The following HES2 variants were observed in gnomAD, a reference collection of about 807,000 sequenced individuals.
The protein encoded by HES2 is hes family bHLH transcription factor 2.
HES2 carries 11 observed loss-of-function variants against 11.9 expected under a neutral mutation model. The ratio of observed to expected loss-of-function variants is 0.92; its 90% confidence interval spans 0.58 to 1.53. The LOEUF is 1.53. Ranked by LOEUF, HES2 falls within the 40% of genes most tolerant of loss-of-function variation. HES2 has a pLI of 0.00. For synonymous variants in HES2, 125 were observed against 122.8 expected, an observed-to-expected ratio of 1.02 and a Z score of -0.12; for missense variants, 260 against 253.8, an observed-to-expected ratio of 1.02 and a Z score of -0.16.
Position 6,419,241 on chromosome 1 carries a change from G to C in HES2, c.241C>G (p.Leu81Val), listed in dbSNP as rs572058382. 3.1e-6 allele frequency: 5 copies of C among 1,608,114 alleles called. No homozygotes were observed. Among genetic ancestry groups the C allele is most frequent in the East Asian group, 4.5e-5 (2 of 44,742 alleles). The change falls in exon 3 of 4, where the codon CTG becomes GTG. Residue 81 changes from leucine (L) to valine (V), a missense_variant and splice_region_variant. Leu to Val is a conservative substitution (Grantham distance 32). Coordinates refer to ENST00000377834, the MANE Select transcript of HES2 (RefSeq NM_019089.5). The surrounding 1 kb of genome is among the most constrained non-coding windows in gnomAD (Gnocchi z 8.1). The stretch of plus-strand genomic sequence containing the variant: ...GGCAGGGCAGGGAGGGCTCACTCAC[G>C]GGGCGCTGCCGTGGGCCATGAGGAC... ...PASSWPTAAP[L>V]PCDSYREGYS...
In HES2 at chr1:6,416,893, T is replaced by C. The variant is rs1247628540; in HGVS notation, c.*1980A>G. The C allele has an allele frequency of 6.6e-6, 1 of 152,278 alleles. No homozygotes were observed. Among genetic ancestry groups the C allele is most frequent in the African/African-American group, 2.4e-5 (1 of 41,460 alleles). The allele number at this position is 152,278 out of a possible 1,614,324, so 9.4% of individuals were successfully genotyped here. On this transcript the variant is annotated 3_prime_UTR_variant, in exon 4 of 4. Coordinates refer to ENST00000377834, the MANE Select transcript of HES2 (RefSeq NM_019089.5). ...GCAATGGGTGAAAGTAAGAGGAACC[T>C]GCCCTCCCTCCTCTCCACACCTCCC...
chr1:6,418,371 G>C lies in HES2; in HGVS notation c.*502C>G, dbSNP rs1642873000. 6.5e-6 allele frequency: 1 copy of C among 154,958 alleles called. No homozygotes were observed. The highest frequency in any genetic ancestry group is 2.4e-5 in the African/African-American group (1 of 41,576). The allele number at this position is 154,958 out of a possible 1,614,324, so 9.6% of individuals were successfully genotyped here. ...TGCTGCCCTGTAGAGCCCTGGAAGTGACCAGAGCCCTTAGGCTACTGCTGC... is the reference window on the plus strand; with the variant it reads ...TGCTGCCCTGTAGAGCCCTGGAAGTCACCAGAGCCCTTAGGCTACTGCTGC... On this transcript the variant is annotated 3_prime_UTR_variant, in exon 4 of 4. Transcript: ENST00000377834.
rs1642852213 is a variant in HES2 at position 6,416,495 on chromosome 1, T to A, written c.*2378A>T. 6.6e-6 allele frequency: 1 copy of A among 152,220 alleles called. No individual in the cohort carries two copies. Among genetic ancestry groups the A allele is most frequent in the Non-Finnish European group, 1.5e-5 (1 of 68,112 alleles). 9.4% of individuals were successfully genotyped at this position (152,220 alleles called of 1,614,324 possible). On this transcript the variant is annotated 3_prime_UTR_variant, in exon 4 of 4. Coordinates refer to ENST00000377834, the MANE Select transcript of HES2 (RefSeq NM_019089.5). Reference sequence around the variant, plus strand: ...ACCTTACCCACCCAGGCTTGCCCCCTCCCTTCCAGGGCCCACTGACCTCCT... The same window carrying A: ...ACCTTACCCACCCAGGCTTGCCCCCACCCTTCCAGGGCCCACTGACCTCCT...
chr1:6,419,900 C>A lies in HES2; in HGVS notation c.-80G>T. On this transcript the variant is annotated 5_prime_UTR_variant, in exon 1 of 4. Transcript: ENST00000377834. This position sits in a 1 kb window ranked among gnomAD's most constrained non-coding sequence, Gnocchi z 8.1. Reference sequence around the variant, plus strand: ...CCGAAATGAGGTCCCGGGCGCGGCCCGGGCTGGTGCCAGACGAGTGCGCGC... The same window carrying A: ...CCGAAATGAGGTCCCGGGCGCGGCCAGGGCTGGTGCCAGACGAGTGCGCGC... 1.4e-6 allele frequency: 2 copies of A among 1,432,858 alleles called. No homozygotes were observed. The highest frequency in any genetic ancestry group is 1.8e-6 in the Non-Finnish European group (2 of 1,093,652). 88.8% of individuals were successfully genotyped at this position (1,432,858 alleles called of 1,614,324 possible).
chr1:6,419,438 G>A lies in HES2; in HGVS notation c.142-98C>T, dbSNP rs757820350. ...TCGCTCTAGTCGGGAGCTGGGTGTG[G>A]GGCGCGCCGTGGCCTGCTGGGGGTC... is the stretch of plus-strand genomic sequence containing the variant. On this transcript the variant is annotated intron_variant, in intron 2 of 3. Transcript: ENST00000377834. This position sits in a 1 kb window ranked among gnomAD's most constrained non-coding sequence, Gnocchi z 8.1. The A allele has an allele frequency of 4.2e-5, 52 of 1,245,600 alleles. No homozygotes were observed. The highest frequency in any genetic ancestry group is 5.5e-5 in the Non-Finnish European group (49 of 897,500). 77.2% of individuals were successfully genotyped at this position (1,245,600 alleles called of 1,614,324 possible).
chr1:6,418,376 G>A lies in HES2; in HGVS notation c.*497C>T, dbSNP rs1428801296. 6.4e-6 allele frequency: 1 copy of A among 155,214 alleles called. No individual in the cohort carries two copies. Among genetic ancestry groups the A allele is most frequent in the African/African-American group, 2.4e-5 (1 of 41,592 alleles). The allele number at this position is 155,214 out of a possible 1,614,324, so 9.6% of individuals were successfully genotyped here. ...CCCTGTAGAGCCCTGGAAGTGACCA[G>A]AGCCCTTAGGCTACTGCTGCTGCAT... On this transcript the variant is annotated 3_prime_UTR_variant, in exon 4 of 4. Transcript: ENST00000377834.
In HES2 at chr1:6,415,267, T is replaced by C. The variant is rs1642833228; in HGVS notation, c.*3606A>G. 7.0e-6 allele frequency: 1 copy of C among 143,648 alleles called. No homozygotes were observed. Among genetic ancestry groups the C allele is most frequent in the Non-Finnish European group, 1.5e-5 (1 of 67,420 alleles). The allele number at this position is 143,648 out of a possible 1,614,324, so 8.9% of individuals were successfully genotyped here. On this transcript the variant is annotated 3_prime_UTR_variant, in exon 4 of 4. Transcript: ENST00000377834. ...GTTCACTTTATTGCACGTCAAGATA[T>C]TGCCTTTTTTTTTTTTTAAACAAAT... is the stretch of plus-strand genomic sequence containing the variant.
In HES2 at chr1:6,418,946, G is replaced by C. The variant is rs1642878573; in HGVS notation, c.449C>G (p.Pro150Arg). 7.5e-7 allele frequency: 1 copy of C among 1,336,710 alleles called. No individual in the cohort carries two copies. The highest frequency in any genetic ancestry group is 9.5e-7 in the Non-Finnish European group (1 of 1,053,108). 82.8% of individuals were successfully genotyped at this position (1,336,710 alleles called of 1,614,324 possible). Residue 150 changes from proline to arginine, a missense_variant, in exon 4 of 4, where the codon CCA (proline) becomes CGA (arginine). Physicochemically the swap from Pro to Arg is moderately radical, Grantham distance 103 (BLOSUM62 -2). Transcript: ENST00000377834. Reference sequence around the variant, plus strand: ...GGGCACCGGAGCGGATGCGGGCTCTGGGGCAGACGCGGGCGCTGGGGCGGG... The same window carrying C: ...GGGCACCGGAGCGGATGCGGGCTCTCGGGCAGACGCGGGCGCTGGGGCGGG... ...SAPAPAPASA[P>R]EPASAPVPSP...
chr1:6,419,405 G>T lies in HES2; in HGVS notation c.142-65C>A. 1.4e-6 allele frequency: 2 copies of T among 1,401,400 alleles called. No homozygotes were observed. The highest frequency in any genetic ancestry group is 2.5e-5 in the East Asian group (1 of 40,590). 86.8% of individuals were successfully genotyped at this position (1,401,400 alleles called of 1,614,324 possible). A position where few individuals can be genotyped will look rare whatever the true frequency, so the allele number is the denominator to read the frequency against. On this transcript the variant is annotated intron_variant, in intron 2 of 3. Transcript: ENST00000377834. The surrounding 1 kb of genome is among the most constrained non-coding windows in gnomAD (Gnocchi z 8.1). ...AGACAGAACTTTGGCCGGCTACCGTGCGCACCCTCGCTCTAGTCGGGAGCT... is the reference window on the plus strand; with the variant it reads ...AGACAGAACTTTGGCCGGCTACCGTTCGCACCCTCGCTCTAGTCGGGAGCT...
In HES2 at chr1:6,418,776, C is replaced by G. The variant is rs1642877032; in HGVS notation, c.*97G>C. On this transcript the variant is annotated 3_prime_UTR_variant, in exon 4 of 4. Transcript: ENST00000377834. ...CCTGGGTGTGGGTACTGGGCTGGCC[C>G]CTAATGATGGGAACAGCAGCCGCCA... 8.4e-7 allele frequency: 1 copy of G among 1,190,446 alleles called. No homozygotes were observed. The highest frequency in any genetic ancestry group is 1.1e-6 in the Non-Finnish European group (1 of 944,982). 73.7% of individuals were successfully genotyped at this position (1,190,446 alleles called of 1,614,324 possible).
Position 6,419,426 on chromosome 1 carries a change from G to A in HES2, c.142-86C>T. On this transcript the variant is annotated intron_variant, in intron 2 of 3. Coordinates refer to ENST00000377834, the MANE Select transcript of HES2 (RefSeq NM_019089.5). This position sits in a 1 kb window ranked among gnomAD's most constrained non-coding sequence, Gnocchi z 8.1. ...CCGTGCGCACCCTCGCTCTAGTCGG[G>A]AGCTGGGTGTGGGGCGCGCCGTGGC... 1 of 1,297,612 alleles carries A rather than the reference G, an allele frequency of 7.7e-7. No homozygotes were observed. The allele number at this position is 1,297,612 out of a possible 1,614,324, so 80.4% of individuals were successfully genotyped here. A position where few individuals can be genotyped will look rare whatever the true frequency, so the allele number is the denominator to read the frequency against.
At position 6,419,142 on chromosome 1, in the gene HES2, T is replaced by G. The variant is rs774847354; in HGVS notation, c.253A>C (p.Ser85Arg). The G allele has an allele frequency of 6.5e-7, 1 of 1,531,246 alleles. No homozygotes were observed. The highest frequency in any genetic ancestry group is 8.7e-7 in the Non-Finnish European group (1 of 1,146,766). 94.9% of individuals were successfully genotyped at this position (1,531,246 alleles called of 1,614,324 possible). A position where few individuals can be genotyped will look rare whatever the true frequency, so the allele number is the denominator to read the frequency against. The change falls in exon 4 of 4, where the codon AGC becomes CGC. Residue 85 changes from serine to arginine, a missense_variant. Coordinates refer to ENST00000377834, the MANE Select transcript of HES2 (RefSeq NM_019089.5). The surrounding 1 kb of genome is among the most constrained non-coding windows in gnomAD (Gnocchi z 8.1). ...CAGGCGCTGTAGCCCTCGCGGTAGC[T>G]GTCGCAAGGCACTGCGGGCGGAGAG... ...WPTAAPLPCD[S>R]YREGYSACVA...
chr1:6,416,226 T>C lies in HES2; in HGVS notation c.*2647A>G, dbSNP rs113269467. The C allele has an allele frequency of 0.073, 11,185 of 152,324 alleles. 498 individuals carry two copies. Among genetic ancestry groups the C allele is most frequent in the African/African-American group, 0.12 (4,850 of 41,562 alleles). The allele number at this position is 152,324 out of a possible 1,614,324, so 9.4% of individuals were successfully genotyped here. On this transcript the variant is annotated 3_prime_UTR_variant, in exon 4 of 4. Coordinates refer to ENST00000377834, the MANE Select transcript of HES2 (RefSeq NM_019089.5). Reference sequence around the variant, plus strand: ...AGGATGTGGGACTTGTGAAAGGTCATAAATGACCCTTTGAATCAGTCTCCC... The same window carrying C: ...AGGATGTGGGACTTGTGAAAGGTCACAAATGACCCTTTGAATCAGTCTCCC...
Position 6,419,711 on chromosome 1 carries a change from G to T in HES2, c.46-9C>A. 6.4e-7 allele frequency: 1 copy of T among 1,551,704 alleles called. No individual in the cohort carries two copies. Among genetic ancestry groups the T allele is most frequent in the Non-Finnish European group, 8.7e-7 (1 of 1,151,386 alleles). Reference sequence around the variant, plus strand: ...AGCAGCGGCTTCAGGCTCTGCGGACGGGCGGCGCGGTGGTTAGACGGGTCC... The same window carrying T: ...AGCAGCGGCTTCAGGCTCTGCGGACTGGCGGCGCGGTGGTTAGACGGGTCC... On this transcript the variant is annotated splice_polypyrimidine_tract_variant and intron_variant, in intron 1 of 3. Coordinates refer to ENST00000377834, the MANE Select transcript of HES2 (RefSeq NM_019089.5). The surrounding 1 kb of genome is among the most constrained non-coding windows in gnomAD (Gnocchi z 8.1).
In HES2 at chr1:6,419,840, G is replaced by A; in HGVS notation, c.-20C>T. On this transcript the variant is annotated 5_prime_UTR_variant, in exon 1 of 4. Transcript: ENST00000377834. The surrounding 1 kb of genome is among the most constrained non-coding windows in gnomAD (Gnocchi z 8.1). Reference sequence around the variant, plus strand: ...CCCCATGCTCCGCGGGGAAGCGGTGGCAGCTGCGAGCCCCACGCAAAGGGA... The same window carrying A: ...CCCCATGCTCCGCGGGGAAGCGGTGACAGCTGCGAGCCCCACGCAAAGGGA... 6.5e-7 allele frequency: 1 copy of A among 1,536,544 alleles called. No homozygotes were observed. Among genetic ancestry groups the A allele is most frequent in the Non-Finnish European group, 8.7e-7 (1 of 1,146,930 alleles).
rs1282939285 is a variant in HES2 at position 6,418,826 on chromosome 1, C to T, written c.*47G>A. On this transcript the variant is annotated 3_prime_UTR_variant, in exon 4 of 4. Coordinates refer to ENST00000377834, the MANE Select transcript of HES2 (RefSeq NM_019089.5). ...ACCAAGAGCTTCAACCTGTCCAGTGCCCCAAGGTCCCAAGCAGTCGGCAGG... is the reference window on the plus strand; with the variant it reads ...ACCAAGAGCTTCAACCTGTCCAGTGTCCCAAGGTCCCAAGCAGTCGGCAGG... 5 of 1,287,216 alleles carry T rather than the reference C, an allele frequency of 3.9e-6. No individual in the cohort carries two copies. In the East Asian group the frequency reaches 9.4e-5, roughly 24 times the overall value. The allele number at this position is 1,287,216 out of a possible 1,614,324, so 79.7% of individuals were successfully genotyped here. A position where few individuals can be genotyped will look rare whatever the true frequency, so the allele number is the denominator to read the frequency against.
In HES2 at chr1:6,417,688, G is replaced by T. The variant is rs1333703028; in HGVS notation, c.*1185C>A. 6.6e-6 allele frequency: 1 copy of T among 152,254 alleles called. No homozygotes were observed. Among genetic ancestry groups the T allele is most frequent in the Non-Finnish European group, 1.5e-5 (1 of 68,062 alleles). 9.4% of individuals were successfully genotyped at this position (152,254 alleles called of 1,614,324 possible). ...GCTCACTGCAACTTCAGCCTCCGAG[G>T]TTCAAGTGATTCTCTTGCCTCAGCC... is the stretch of plus-strand genomic sequence containing the variant. On this transcript the variant is annotated 3_prime_UTR_variant, in exon 4 of 4. Coordinates refer to ENST00000377834, the MANE Select transcript of HES2 (RefSeq NM_019089.5).
chr1:6,419,062 C>A lies in HES2; in HGVS notation c.333G>T (p.Val111=). 6.8e-7 allele frequency: 1 copy of A among 1,475,844 alleles called. No homozygotes were observed. Among genetic ancestry groups the A allele is most frequent in the Non-Finnish European group, 8.9e-7 (1 of 1,122,782 alleles). 91.4% of individuals were successfully genotyped at this position (1,475,844 alleles called of 1,614,324 possible). The change falls in exon 4 of 4, where the codon GTG becomes GTT. Residue 111 remains valine, a synonymous_variant. Transcript: ENST00000377834. The surrounding 1 kb of genome is among the most constrained non-coding windows in gnomAD (Gnocchi z 8.1). ...ACAGGTGCTCCAGCAGGCGCGCGCTCACGGCGGGCTCCAGGACACGGCAGG... is the reference window on the plus strand; with the variant it reads ...ACAGGTGCTCCAGCAGGCGCGCGCTAACGGCGGGCTCCAGGACACGGCAGG... ...LPACRVLEPA[V]SARLLEHLWR... is the part of the protein sequence containing the mutation.
Position 6,418,979 on chromosome 1 carries a change from G to A in HES2, c.416C>T (p.Pro139Leu), listed in dbSNP as rs905738233. Reference protein sequence around the residue: ...DGGRAGDSSGPSAPAPAPASA... With the variant: ...DGGRAGDSSGLSAPAPAPASA... ...CGCGGGCGCTGGGGCGGGGGCAGAC[G>A]GGCCACTGGAATCCCCAGCGCGCCC... The change falls in exon 4 of 4, where the codon CCG (proline) becomes CTG (leucine). Residue 139 changes from proline to leucine, a missense_variant. Transcript: ENST00000377834. 14 of 1,351,976 alleles carry A rather than the reference G, an allele frequency of 1.0e-5. No homozygotes were observed. Among genetic ancestry groups the A allele is most frequent in the Non-Finnish European group, 1.2e-5 (13 of 1,061,856 alleles). The allele number at this position is 1,351,976 out of a possible 1,614,324, so 83.7% of individuals were successfully genotyped here.
Sources: gnomAD v4.1 joint callset for allele counts on GRCh38, gnomAD v4.1.1 for gene constraint, Gnocchi (gnomAD v3.1) non-coding constraint, MANE v1.5 for transcripts, NCBI Gene and HGNC (gene_info 2026-07-23, HGNC 2026-07-21) for gene names.